Variants in LAMA2 observed in about 807,000 individuals in gnomAD.
LAMA2 encodes the protein laminin subunit alpha-2.
In LAMA2, 269 loss-of-function variants were observed where a neutral mutation model predicts 364.8. That is an observed-to-expected ratio of 0.74 (90% CI 0.67 to 0.82). The LOEUF (loss-of-function observed/expected upper bound fraction) is 0.82. Among genes scored for constraint, LAMA2 ranks in the 40% least tolerant of loss-of-function variants. The pLI is 0.00. For missense variants in LAMA2, 3,807 were observed against 3,873.2 expected, an observed-to-expected ratio of 0.98 and a Z score of 0.45; for synonymous variants, 1,379 against 1,370.6, an observed-to-expected ratio of 1.01 and a Z score of -0.14.
At chr6:129,242,087 T>C (rs1342826351) in intron 12 of LAMA2, among the ~76,000 whole-genome samples, 2 of 152,168 alleles carry the variant, frequency 1.3e-5, no homozygotes, top group African/African-American at 4.8e-5. Context: ...CTTTAGGCCA[T>C]ATCCAGGGTT....
chr6:129,014,418 C>A (rs1381791263), intron 1 of LAMA2, among the ~76,000 whole-genome samples: 1 of 152,138 alleles, frequency 6.6e-6, no homozygotes, highest in Non-Finnish European at 1.5e-5. Flanking sequence ...CATTTGTACA[C>A]AAGTATTTGT....
At chr6:129,059,359 C>T (rs1042189794) in intron 2 of LAMA2, among the ~76,000 whole-genome samples, 20 of 152,058 alleles carry the variant, frequency 1.3e-4, no homozygotes, top group Admixed American at 1.3e-4. Flanking sequence ...GTATTTCAAC[C>T]ACAAGTCAGG....
chr6:129,042,761 A>T lies in LAMA2; in HGVS notation c.113-7157A>T, dbSNP rs73773648. 4.3e-3 allele frequency among the ~76,000 whole-genome samples: 653 copies of T among 152,296 alleles called. 3 individuals are homozygous for T. The highest frequency in any genetic ancestry group is 0.015 in the African/African-American group (623 of 41,564). On this transcript the variant is annotated intron_variant, in intron 1 of 64. Transcript: ENST00000421865. ...TAAAAAGATCATATAAATGAATAAT[A>T]GAGTATCCACTCTTTGGTGTAAACT...
chr6:129,326,143 T>A (rs1350856673), intron 28 of LAMA2, among the ~76,000 whole-genome samples: 4 of 152,196 alleles, frequency 2.6e-5, no homozygotes. Flanking sequence ...TCTCGCCTTT[T>A]CCATGTGCCC....
At chr6:128,998,440 G>T (rs1324595679) in intron 1 of LAMA2, among the ~76,000 whole-genome samples, 1 of 69,566 alleles carries the variant, frequency 1.4e-5, no homozygotes, top group East Asian at 2.0e-4. Context: ...AGCTCCCAGT[G>T]TGAGCGACGC....
At chr6:129,341,328 C>T (rs967481862) in intron 29 of LAMA2, among the ~76,000 whole-genome samples, 2 of 152,198 alleles carry the variant, frequency 1.3e-5, no homozygotes, top group Admixed American at 6.5e-5. Flanking sequence ...TAGTTTGTAA[C>T]TGACTTTTTT....
Position 129,106,873 on chromosome 6 carries a change from A to ATATATAT in LAMA2, c.639+8458_639+8459insTATATAT, listed in dbSNP as rs200900181. Among the ~76,000 whole-genome samples, 8 of 132,492 alleles carry ATATATAT rather than the reference A, an allele frequency of 6.0e-5. No homozygotes were observed. The East Asian group carries it at 1.3e-3, about 21-fold the overall frequency. The allele number at this position is 132,492 out of a possible 152,430, so 86.9% of individuals were successfully genotyped here. ...TCCCTTACTCCTCCAAAAAAAAAAAAAAATATATATATATATACAATGCCC... is the reference window on the plus strand; with the variant it reads ...TCCCTTACTCCTCCAAAAAAAAAAAATATATATAAATATATATATATATACAATGCCC... On this transcript the variant is annotated intron_variant, in intron 4 of 64. Coordinates refer to ENST00000421865, the MANE Select transcript of LAMA2 (RefSeq NM_000426.4).
At chr6:129,441,024 G>A (rs1562566479) in intron 43 of LAMA2, 26 bp downstream of exon 43, 11 of 1,590,458 alleles carry the variant, frequency 6.9e-6, no homozygotes, top group Admixed American at 1.7e-5. Flanking sequence ...TCATTGTGAT[G>A]ATGTCATTTA....
rs181893737 is a variant in LAMA2, at chr6:128,990,085, T to C, written c.113-59833T>C. Among the ~76,000 whole-genome samples the C allele has an allele frequency of 4.5e-3, 685 of 152,366 alleles. 7 individuals carry two copies. Among genetic ancestry groups the C allele is most frequent in the Non-Finnish European group, 4.7e-3 (318 of 68,036 alleles). ...TAAAATGCTTTCTTATTCTTTATTA[T>C]GACCACTATTAAAACCAAACAGAAA... is the stretch of plus-strand genomic sequence containing the variant. On this transcript the variant is annotated intron_variant, in intron 1 of 64. Transcript: ENST00000421865.
At chr6:129,270,213 A>G (rs1787819713) in intron 16 of LAMA2, among the ~76,000 whole-genome samples, 1 of 151,700 alleles carries the variant, frequency 6.6e-6, no homozygotes, top group Non-Finnish European at 1.5e-5. Context: ...ATTGATTTTT[A>G]CCTAGAATCA....
rs975647244 is a variant in LAMA2 at position 128,929,720 on chromosome 6, A to C, written c.112+46363A>C. On this transcript the variant is annotated intron_variant, in intron 1 of 64. Coordinates refer to ENST00000421865, the MANE Select transcript of LAMA2 (RefSeq NM_000426.4). Reference sequence around the variant, plus strand: ...TCACCCGATGAAACCTCAAGGTCAGACCTTCCCAATTCTTGTACCAATCGT... The same window carrying C: ...TCACCCGATGAAACCTCAAGGTCAGCCCTTCCCAATTCTTGTACCAATCGT... 4.4e-6 allele frequency: 6 copies of C among 1,374,656 alleles called. No individual in the cohort carries two copies. In the African/African-American group the frequency reaches 7.1e-5, roughly 16 times the overall value. 85.2% of individuals were successfully genotyped at this position (1,374,656 alleles called of 1,614,324 possible). A position where few individuals can be genotyped will look rare whatever the true frequency, so the allele number is the denominator to read the frequency against.
At chr6:129,378,346 TG>T (rs2114644383) in intron 34 of LAMA2, among the ~76,000 whole-genome samples, 1 of 152,348 alleles carries the variant, frequency 6.6e-6, no homozygotes, top group East Asian at 1.9e-4. Context: ...TAGCCTGTCC[TG>T]GGTGAGATTG....
intron 1 of LAMA2, among the ~76,000 whole-genome samples, chr6:128,992,969 A>AT (rs1215375196): frequency 3.3e-5 from 5 of 152,212 alleles, no homozygotes; most frequent in Non-Finnish European, 5.9e-5. Flanking sequence ...TTCATTTAAA[A>AT]TAGCTGCATC....
At chr6:129,377,369 T>C (rs896407771) in intron 34 of LAMA2, among the ~76,000 whole-genome samples, 9 of 152,022 alleles carry the variant, frequency 5.9e-5, no homozygotes, top group African/African-American at 2.2e-4. Context: ...TGTTTTTTAT[T>C]TCTCCTTTTA....
chr6:129,035,480 T>C (rs1313804972), intron 1 of LAMA2, among the ~76,000 whole-genome samples: 1 of 151,840 alleles, frequency 6.6e-6, no homozygotes, highest in Non-Finnish European at 1.5e-5. Flanking sequence ...GTTAATTGTT[T>C]ATTTTGCTGT....
At chr6:129,501,423 A>C (rs2114884343) in intron 58 of LAMA2, among the ~76,000 whole-genome samples, 2 of 152,312 alleles carry the variant, frequency 1.3e-5, no homozygotes, top group South Asian at 4.1e-4. Context: ...ATGAAGACCA[A>C]TTTTACGGCA....
intron 10 of LAMA2, among the ~76,000 whole-genome samples, chr6:129,178,578 TAACTAC>T (rs1270794025): frequency 6.6e-6 from 1 of 152,188 alleles, no homozygotes; most frequent in East Asian, 1.9e-4. Context: ...AGACGGTGTA[TAACTAC>T]ATTAGCTGAG....
Position 129,192,779 on chromosome 6 carries a change from A to T in LAMA2, c.1708A>T (p.Ser570Cys). Reference protein sequence around the residue: ...DLDSPQQISISNAEARQALPH... With the variant: ...DLDSPQQISICNAEARQALPH... ...GGACTCACCTCAGCAGATCAGCATC[A>T]GTAACGCGGAGGCCCGGCAAGCCCT... is the stretch of plus-strand genomic sequence containing the variant. The change falls in exon 12 of 65, where the codon AGT becomes TGT. Residue 570 changes from serine to cysteine, a missense_variant. By Grantham distance (112) the Ser-to-Cys change is moderately radical. Around this residue, in one of 3 missense-constraint regions of LAMA2, gnomAD observed 3,333 missense variants for 3,345.7 expected, o/e 1.00. Coordinates refer to ENST00000421865, the MANE Select transcript of LAMA2 (RefSeq NM_000426.4). The T allele has an allele frequency of 6.2e-7, 1 of 1,614,216 alleles. No individual in the cohort carries two copies. Among genetic ancestry groups the T allele is most frequent in the Non-Finnish European group, 8.5e-7 (1 of 1,180,034 alleles).
intron 12 of LAMA2, among the ~76,000 whole-genome samples, chr6:129,210,611 A>G (rs1248163059): frequency 6.6e-6 from 1 of 152,156 alleles, no homozygotes; most frequent in African/African-American, 2.4e-5. Context: ...CTCTTTCTGA[A>G]TATGTGTTAA....
Sources: gnomAD v4.1 joint callset for allele counts (sites outside exome capture counted in the v4.1 genomes callset) on GRCh38, gnomAD v4.1.1 for gene constraint, gnomAD v4.1.1 regional missense constraint, MANE v1.5 for transcripts, NCBI Gene and HGNC (gene_info 2026-07-23, HGNC 2026-07-21) for gene names.